The following DCTN6 variants were observed in gnomAD, a reference collection of about 807,000 sequenced individuals.
DCTN6 encodes the protein dynactin 6.
In DCTN6, 15 loss-of-function variants were observed where a neutral mutation model predicts 25.8. The ratio of observed to expected loss-of-function variants is 0.58; its 90% CI spans 0.39 to 0.89. DCTN6 has a LOEUF of 0.89. Ranked by LOEUF, DCTN6 falls within the 40% of genes least tolerant of loss-of-function variation. DCTN6 has a pLI of 0.00. For missense variants in DCTN6, 198 were observed against 237.6 expected (o/e 0.83, Z 1.09); for synonymous variants, 64 against 78.3 (o/e 0.82, Z 0.96).
At chr8:30,158,666 A>T (rs1408010513) in intron 1 of DCTN6, among the ~76,000 whole-genome samples, 1 of 139,546 alleles carries the variant, frequency 7.2e-6, no homozygotes, top group East Asian at 2.2e-4. Flanking sequence ...ATACAGCAGG[A>T]GGGCTACATA....
At chr8:30,175,576 T>C (rs1803821607) in intron 3 of DCTN6, among the ~76,000 whole-genome samples, 2 of 148,762 alleles carry the variant, frequency 1.3e-5, no homozygotes, top group African/African-American at 4.9e-5. Flanking sequence ...TTATTACTCA[T>C]GCCTAAACAC....
At chr8:30,175,002 C>T (rs1265134290) in intron 2 of DCTN6, 83 bp from the exon 3 acceptor site, 5 of 1,304,242 alleles carry the variant, frequency 3.8e-6, no homozygotes, top group Non-Finnish European at 5.4e-6. Context: ...TCCCAACAGC[C>T]TCACCCATCC....
At chr8:30,160,080 A>T (rs1803577766) in intron 1 of DCTN6, among the ~76,000 whole-genome samples, 1 of 152,148 alleles carries the variant, frequency 6.6e-6, no homozygotes, top group African/African-American at 2.4e-5. Flanking sequence ...CCTTCCCAGG[A>T]AGGGGACAAG....
At chr8:30,161,958 A>G (rs1469537462) in intron 1 of DCTN6, among the ~76,000 whole-genome samples, 1 of 151,336 alleles carries the variant, frequency 6.6e-6, no homozygotes, top group African/African-American at 2.4e-5. Context: ...CGTGCTAGCC[A>G]GGATGGTCTC....
At chr8:30,170,538 G>T (rs1803749999) in intron 2 of DCTN6, among the ~76,000 whole-genome samples, 2 of 152,022 alleles carry the variant, frequency 1.3e-5, no homozygotes, top group South Asian at 4.1e-4. Flanking sequence ...TATTAATAAT[G>T]ATAAAGACAG....
In DCTN6 at chr8:30,156,533, C is replaced by G. The variant is rs1196529567; in HGVS notation, c.23+127C>G. On this transcript the variant is annotated intron_variant, in intron 1 of 6. Transcript: ENST00000221114. Reference sequence around the variant, plus strand: ...GCATTCGGGCCGAAGGTACCTGAAGCCCAGACCTGGCGTCCACTGAGGGAG... The same window carrying G: ...GCATTCGGGCCGAAGGTACCTGAAGGCCAGACCTGGCGTCCACTGAGGGAG... The G allele has an allele frequency of 1.0e-5, 12 of 1,172,838 alleles. No individual in the cohort carries two copies. In the Admixed American group the frequency reaches 2.2e-4, roughly 22 times the overall value. 72.7% of individuals were successfully genotyped at this position (1,172,838 alleles called of 1,614,324 possible). A position where few individuals can be genotyped will look rare whatever the true frequency, so the allele number is the denominator to read the frequency against.
In DCTN6 at chr8:30,177,317, C is replaced by G. The variant is rs147900151; in HGVS notation, c.283+103C>G. On this transcript the variant is annotated intron_variant, in intron 4 of 6. Transcript: ENST00000221114. ...AATAATTCCTGGCTCTCCTTTAGTACCTAAGTCTTCTCCTGTAGAAATTGT... is the reference window on the plus strand; with the variant it reads ...AATAATTCCTGGCTCTCCTTTAGTAGCTAAGTCTTCTCCTGTAGAAATTGT... 7,913 of 823,196 alleles carry G rather than the reference C, an allele frequency of 9.6e-3. 69 individuals carry two copies. The highest frequency in any genetic ancestry group is 0.012 in the Non-Finnish European group (6,027 of 519,546). The allele number at this position is 823,196 out of a possible 1,614,324, so 51.0% of individuals were successfully genotyped here.
intron 2 of DCTN6, among the ~76,000 whole-genome samples, chr8:30,164,980 G>A (rs1341342222): frequency 6.6e-6 from 1 of 152,214 alleles, no homozygotes; most frequent in African/African-American, 2.4e-5. Flanking sequence ...TTTGGGAGTT[G>A]TAGTCTTAGC....
rs537384874 is a variant in DCTN6, at chr8:30,172,742, C to T, written c.89-2343C>T. On this transcript the variant is annotated intron_variant, in intron 2 of 6. Coordinates refer to ENST00000221114, the MANE Select transcript of DCTN6 (RefSeq NM_006571.4). ...TGCTGGGATTACAGGCATGAGCCACCGCCCCCAGCAATATTTACATATCTT... is the reference window on the plus strand; with the variant it reads ...TGCTGGGATTACAGGCATGAGCCACTGCCCCCAGCAATATTTACATATCTT... Among the ~76,000 whole-genome samples the T allele has an allele frequency of 7.2e-5, 11 of 152,214 alleles. No homozygotes were observed. In the South Asian group the frequency reaches 2.1e-3, roughly 29 times the overall value.
intron 1 of DCTN6, among the ~76,000 whole-genome samples, chr8:30,161,612 T>G (rs967477933): frequency 2.0e-5 from 3 of 152,148 alleles, no homozygotes; most frequent in Admixed American, 2.0e-4. Flanking sequence ...TCTTCATGAT[T>G]TTTGTGCTTC....
intron 2 of DCTN6, among the ~76,000 whole-genome samples, chr8:30,174,371 C>T (rs530823333): frequency 6.6e-6 from 1 of 151,710 alleles, no homozygotes; most frequent in African/African-American, 2.4e-5. Flanking sequence ...CTTGCTCTGT[C>T]ACCCAGGCTG....
At chr8:30,171,954 T>C (rs1410715920) in intron 2 of DCTN6, among the ~76,000 whole-genome samples, 1 of 152,204 alleles carries the variant, frequency 6.6e-6, no homozygotes, top group Non-Finnish European at 1.5e-5. Context: ...TAGAGTCCGG[T>C]GTCTAGACTC....
intron 1 of DCTN6, among the ~76,000 whole-genome samples, chr8:30,159,454 T>G (rs1307614747): frequency 6.6e-6 from 1 of 152,146 alleles, no homozygotes; most frequent in African/African-American, 2.4e-5. Context: ...GGGGGGAAGA[T>G]TCTGGCATAG....
intron 1 of DCTN6, among the ~76,000 whole-genome samples, chr8:30,159,064 G>A (rs2117573005): frequency 6.6e-6 from 1 of 152,230 alleles, no homozygotes; most frequent in East Asian, 1.9e-4. Context: ...TTACAGGCGT[G>A]AGCCACTGCA....
intron 4 of DCTN6, among the ~76,000 whole-genome samples, chr8:30,178,216 C>A (rs1244053172): frequency 1.3e-5 from 2 of 152,110 alleles, no homozygotes; most frequent in Non-Finnish European, 2.9e-5. Flanking sequence ...GTAATCCCAG[C>A]ATTTTGGGAG....
intron 6 of DCTN6, chr8:30,180,859 CTG>C (rs1274888813): frequency 7.1e-6 from 4 of 559,652 alleles, no homozygotes; most frequent in Non-Finnish European, 9.4e-6. Flanking sequence ...TAGTGAGACT[CTG>C]TCTCTACAAA....
chr8:30,172,723 G>A (rs1803780334), intron 2 of DCTN6, among the ~76,000 whole-genome samples: 1 of 152,132 alleles, frequency 6.6e-6, no homozygotes, highest in African/African-American at 2.4e-5. Flanking sequence ...AAAGTGCTGG[G>A]ATTACAGGCA....
At chr8:30,168,975 T>G (rs1304290188) in intron 2 of DCTN6, among the ~76,000 whole-genome samples, 1 of 152,242 alleles carries the variant, frequency 6.6e-6, no homozygotes, top group Non-Finnish European at 1.5e-5. Flanking sequence ...TGAAAACATT[T>G]CTGAAAGGTA....
chr8:30,180,711 G>C (rs1243935401), intron 6 of DCTN6, 81 bp downstream of exon 6: 3 of 1,486,406 alleles, frequency 2.0e-6, no homozygotes, highest in East Asian at 4.8e-5. Context: ...GAGGCAGCAG[G>C]TACACTATTT....
Sources: gnomAD v4.1 joint callset for allele counts (sites outside exome capture counted in the v4.1 genomes callset) on GRCh38, gnomAD v4.1.1 for gene constraint, MANE v1.5 for transcripts, NCBI Gene and HGNC (gene_info 2026-07-23, HGNC 2026-07-21) for gene names.